The following USP43 variants were observed in gnomAD, a reference collection of about 807,000 sequenced individuals.
USP43 encodes ubiquitin carboxyl-terminal hydrolase 43.
Under a neutral mutation model 90.7 loss-of-function variants are expected in USP43, and 33 were observed. The observed-to-expected ratio is 0.36, with a 90% CI of 0.28 to 0.49. The LOEUF (loss-of-function observed/expected upper bound fraction) is 0.49, where lower values mean the gene tolerates loss of function less well. Among genes scored for constraint, USP43 ranks in the 20% least tolerant of loss-of-function variants. The pLI, the probability that USP43 is intolerant of heterozygous loss-of-function variation, is 0.98. For missense variants in USP43, 1,274 were observed against 1,476.4 expected, an observed-to-expected ratio of 0.86 and a Z score of 2.25; for synonymous variants, 598 against 615.8, an observed-to-expected ratio of 0.97 and a Z score of 0.43.
chr17:9,679,965 A>G (rs1260494858), intron 5 of USP43, among the ~76,000 whole-genome samples: 2 of 147,878 alleles, frequency 1.4e-5, no homozygotes, highest in South Asian at 2.1e-4. Flanking sequence ...AGAGGGCTTT[A>G]TTTTGTTGTC....
intron 1 of USP43, among the ~76,000 whole-genome samples, chr17:9,650,936 C>T (rs1911815963): frequency 6.6e-6 from 1 of 152,056 alleles, no homozygotes; most frequent in African/African-American, 2.4e-5. Flanking sequence ...TGCACCCGAG[C>T]AATGGACACT....
At chr17:9,681,453 TA>T (rs1314184539) in intron 6 of USP43, among the ~76,000 whole-genome samples, 7 of 66,770 alleles carry the variant, frequency 1.0e-4, no homozygotes, top group Admixed American at 2.4e-4. Context: ...TAAATATATA[TA>T]AAATATATTA....
chr17:9,653,822 T>C (rs751830905), intron 1 of USP43, among the ~76,000 whole-genome samples: 1 of 152,136 alleles, frequency 6.6e-6, no homozygotes, highest in Non-Finnish European at 1.5e-5. Flanking sequence ...TGGTCTACCA[T>C]GAAGTCAGTG....
At chr17:9,727,221 C>T (rs889691387) in intron 14 of USP43, among the ~76,000 whole-genome samples, 10 of 152,294 alleles carry the variant, frequency 6.6e-5, no homozygotes, top group African/African-American at 2.4e-4. Flanking sequence ...CCACCTGCCT[C>T]AGCCTCCCAA....
intron 2 of USP43, among the ~76,000 whole-genome samples, chr17:9,662,636 T>A (rs1012137128): frequency 6.6e-6 from 1 of 152,118 alleles, no homozygotes; most frequent in Non-Finnish European, 1.5e-5. Context: ...ATCTGTGTCC[T>A]AACCTCCAAA....
At chr17:9,669,926 C>T (rs965285944) in intron 3 of USP43, 2 of 152,492 alleles carry the variant, frequency 1.3e-5, no homozygotes, top group South Asian at 2.1e-4. Context: ...GGGTGGGGAC[C>T]TGGTAGGGCA....
At chr17:9,699,408 C>T (rs985593380) in intron 9 of USP43, among the ~76,000 whole-genome samples, 2 of 152,246 alleles carry the variant, frequency 1.3e-5, no homozygotes, top group African/African-American at 2.4e-5. Context: ...TGTCCATGCT[C>T]AGCCACAGGA....
intron 12 of USP43, among the ~76,000 whole-genome samples, chr17:9,705,150 A>G (rs901481378): frequency 3.9e-5 from 6 of 152,040 alleles, no homozygotes; most frequent in Admixed American, 1.3e-4. Flanking sequence ...TTTCTTGTGT[A>G]CTATTCTTCC....
chr17:9,686,896 A>C lies in USP43; in HGVS notation c.1340A>C (p.Glu447Ala), dbSNP rs769812274. 4.6e-5 allele frequency: 74 copies of C among 1,613,290 alleles called. 2 individuals are homozygous for C. The East Asian group carries it at 1.6e-3, about 34-fold the overall frequency. Reference sequence around the variant, plus strand: ...AAGGTCCGCCATCTTATGAAGAGTGAGGCCCCTGTACAGGTCAGTGGTGTG... The same window carrying C: ...AAGGTCCGCCATCTTATGAAGAGTGCGGCCCCTGTACAGGTCAGTGGTGTG... ...LSKVRHLMKS[E>A]APVQNLGSLF... Residue 447 changes from glutamate to alanine, a missense_variant, in exon 8 of 15, where the codon GAG becomes GCG. Physicochemically the swap from Glu to Ala is moderately radical, Grantham distance 107 (BLOSUM62 -1). Around this residue, in one of 6 missense-constraint regions of USP43, gnomAD observed 253 missense variants for 276.0 expected, o/e 0.92. Transcript: ENST00000285199. The surrounding 1 kb of genome is among the most constrained non-coding windows in gnomAD (Gnocchi z 5.5).
chr17:9,716,057 G>A (rs1916547855), intron 14 of USP43, among the ~76,000 whole-genome samples: 1 of 150,120 alleles, frequency 6.7e-6, no homozygotes, highest in African/African-American at 2.5e-5. Flanking sequence ...GTGTATGAGT[G>A]TGCTTGTGTG....
chr17:9,714,556 G>A (rs888169734), intron 14 of USP43, among the ~76,000 whole-genome samples: 5 of 151,928 alleles, frequency 3.3e-5, no homozygotes, highest in Admixed American at 2.6e-4. Context: ...GGTGGCGCAC[G>A]CCTGTAATCC....
intron 14 of USP43, among the ~76,000 whole-genome samples, chr17:9,717,383 G>GTGTGTGTGTA (rs1239685474): frequency 2.0e-5 from 3 of 151,884 alleles, no homozygotes; most frequent in Admixed American, 2.0e-4. Flanking sequence ...GTGTGTGTGT[G>GTGTGTGTGTA]TGTGTGTGTA....
intron 3 of USP43, among the ~76,000 whole-genome samples, chr17:9,673,322 T>C (rs947071929): frequency 6.6e-6 from 1 of 151,928 alleles, no homozygotes; most frequent in African/African-American, 2.4e-5. Flanking sequence ...CTGGCCAACA[T>C]AGTGAATCCC....
intron 2 of USP43, among the ~76,000 whole-genome samples, chr17:9,659,521 G>A (rs939993369): frequency 2.0e-5 from 3 of 152,160 alleles, no homozygotes; most frequent in Non-Finnish European, 4.4e-5. Context: ...TGGCGGGAGA[G>A]AGGAGACTTA....
At chr17:9,702,984 G>A (rs1330177667) in intron 12 of USP43, among the ~76,000 whole-genome samples, 6 of 152,160 alleles carry the variant, frequency 3.9e-5, no homozygotes, top group Non-Finnish European at 8.8e-5. Flanking sequence ...GACAGTGGCC[G>A]CCTTATGCTG....
intron 1 of USP43, 63 bp from the exon 2 acceptor site, chr17:9,656,340 A>G: frequency 6.4e-7 from 1 of 1,568,260 alleles, no homozygotes; most frequent in Middle Eastern, 1.8e-4. Context: ...TGGTGCTCAC[A>G]GAGCCTTCAT....
At chr17:9,727,645 G>A (rs1917341749) in intron 14 of USP43, among the ~76,000 whole-genome samples, 1 of 152,186 alleles carries the variant, frequency 6.6e-6, no homozygotes. Context: ...AGATGAAACT[G>A]ATGTTCATTC....
chr17:9,667,638 A>G (rs894805869), intron 3 of USP43, among the ~76,000 whole-genome samples: 2 of 152,098 alleles, frequency 1.3e-5, no homozygotes, highest in Non-Finnish European at 2.9e-5. Flanking sequence ...GGATGAATAG[A>G]AGTACGAATG....
At chr17:9,654,958 G>A (rs1317130478) in intron 1 of USP43, among the ~76,000 whole-genome samples, 3 of 151,606 alleles carry the variant, frequency 2.0e-5, no homozygotes, top group African/African-American at 4.9e-5. Context: ...GGCTGGTGTC[G>A]AACTCCTGAC....
Sources: gnomAD v4.1 joint callset for allele counts (sites outside exome capture counted in the v4.1 genomes callset) on GRCh38, gnomAD v4.1.1 for gene constraint, gnomAD v4.1.1 regional missense constraint, Gnocchi (gnomAD v3.1) non-coding constraint, MANE v1.5 for transcripts, NCBI Gene and HGNC (gene_info 2026-07-23, HGNC 2026-07-21) for gene names.